MYLK: variants seen among roughly 807,000 people sequenced by gnomAD.
The protein encoded by MYLK is myosin light chain kinase, smooth muscle.
In MYLK, 106 loss-of-function variants were observed where a neutral mutation model predicts 203.4. The observed-to-expected ratio is 0.52, with a 90% CI of 0.45 to 0.61. The LOEUF is 0.61. MYLK is among the 20% of genes least tolerant of loss of function. MYLK has a pLI of 0.00. For synonymous variants in MYLK, 867 were observed against 959.5 expected (o/e 0.90, Z 1.78); for missense variants, 2,072 against 2,442.3 (o/e 0.85, Z 3.20).
intron 19 of MYLK, among the ~76,000 whole-genome samples, chr3:123,688,639 G>C (rs1398026503): frequency 6.6e-6 from 1 of 152,046 alleles, no homozygotes; most frequent in Non-Finnish European, 1.5e-5. Flanking sequence ...GCCTGGATCT[G>C]GTCCACGGTC....
intron 4 of MYLK, among the ~76,000 whole-genome samples, chr3:123,770,312 A>G (rs1299431829): frequency 2.0e-5 from 3 of 152,242 alleles, no homozygotes; most frequent in Admixed American, 6.5e-5. Flanking sequence ...CAATAAGAGC[A>G]AAATGCTTTC....
Position 123,701,430 on chromosome 3 carries a change from G to A in MYLK, c.2462+8C>T. ...TGGCCTGGAGGGGCAGCTCCTGGGGGCACTCACCGTGGAAGGGCTCTGGCA... is the reference window on the plus strand; with the variant it reads ...TGGCCTGGAGGGGCAGCTCCTGGGGACACTCACCGTGGAAGGGCTCTGGCA... On this transcript the variant is annotated splice_region_variant and intron_variant, in intron 17 of 33. Transcript: ENST00000360304. 2.5e-6 allele frequency: 4 copies of A among 1,613,942 alleles called. No homozygotes were observed. Among genetic ancestry groups the A allele is most frequent in the Non-Finnish European group, 3.4e-6 (4 of 1,179,924 alleles).
intron 3 of MYLK, among the ~76,000 whole-genome samples, chr3:123,804,817 A>T (rs956517389): frequency 6.6e-6 from 1 of 152,172 alleles, no homozygotes; most frequent in African/African-American, 2.4e-5. Flanking sequence ...CTGAGAAAAC[A>T]TTAGCTCTGT....
intron 24 of MYLK, among the ~76,000 whole-genome samples, chr3:123,651,575 A>C (rs751209432): frequency 6.6e-6 from 1 of 152,106 alleles, no homozygotes; most frequent in Admixed American, 6.5e-5. Context: ...CCGGCGTGGC[A>C]TGGAGACCAG....
In MYLK at chr3:123,670,898, A is replaced by G. The variant is rs564118261; in HGVS notation, c.3653-3711T>C. On this transcript the variant is annotated intron_variant, in intron 20 of 33. Transcript: ENST00000360304. ...GTTCTGTTAGACAGTGCTGGCCTCA[A>G]ATGCTAAGCTCACGAGCTAAGGCTT... Among the ~76,000 whole-genome samples, 4 of 152,356 alleles carry G rather than the reference A, an allele frequency of 2.6e-5. No individual in the cohort carries two copies. The South Asian group carries it at 8.3e-4, about 32-fold the overall frequency.
chr3:123,618,911 T>C, intron 32 of MYLK, 141 bp from the exon 33 acceptor site: 3 of 1,142,002 alleles, frequency 2.6e-6, no homozygotes, highest in Non-Finnish European at 3.8e-6. Context: ...TAAGCACGCC[T>C]TTCTCCTGGG....
chr3:123,636,924 A>ATG (rs1206320259), intron 29 of MYLK, among the ~76,000 whole-genome samples: 1 of 152,172 alleles, frequency 6.6e-6, no homozygotes, highest in Non-Finnish European at 1.5e-5. Flanking sequence ...GTTCCTGAGC[A>ATG]TGTGAAAAAG....
chr3:123,625,732 G>A (rs1320099366), intron 31 of MYLK, among the ~76,000 whole-genome samples: 2 of 151,068 alleles, frequency 1.3e-5, no homozygotes, highest in South Asian at 2.1e-4. Context: ...GGTGTGACCC[G>A]GGAGGTGGAG....
intron 20 of MYLK, among the ~76,000 whole-genome samples, chr3:123,678,224 A>T (rs964587424): frequency 6.6e-6 from 1 of 151,896 alleles, no homozygotes; most frequent in African/African-American, 2.4e-5. Context: ...AGGTGCCCTC[A>T]CAATCTTCAC....
intron 20 of MYLK, among the ~76,000 whole-genome samples, chr3:123,680,744 G>A (rs2060234249): frequency 6.6e-6 from 1 of 152,220 alleles, no homozygotes; most frequent in Non-Finnish European, 1.5e-5. Flanking sequence ...ACACTGCATT[G>A]TAATGGAAAA....
intron 2 of MYLK, among the ~76,000 whole-genome samples, chr3:123,853,319 G>A (rs1287958383): frequency 2.6e-5 from 4 of 152,120 alleles, no homozygotes; most frequent in African/African-American, 9.7e-5. Flanking sequence ...ACAGATGAGA[G>A]AGGGACTCAG....
intron 13 of MYLK, among the ~76,000 whole-genome samples, chr3:123,712,950 G>C (rs1299374295): frequency 6.6e-6 from 1 of 152,244 alleles, no homozygotes; most frequent in Non-Finnish European, 1.5e-5. Context: ...AACCAATGGA[G>C]TCTGGGCTTC....
At chr3:123,686,324 T>C (rs1261907419) in intron 19 of MYLK, among the ~76,000 whole-genome samples, 1 of 150,572 alleles carries the variant, frequency 6.6e-6, no homozygotes, top group Non-Finnish European at 1.5e-5. Context: ...AGACAATGCC[T>C]CACCCCTCCC....
At chr3:123,773,198 TA>T (rs1259071593) in intron 4 of MYLK, among the ~76,000 whole-genome samples, 1 of 152,126 alleles carries the variant, frequency 6.6e-6, no homozygotes, top group Non-Finnish European at 1.5e-5. Context: ...AAGCATTAAC[TA>T]AAAAGGCAGC....
In MYLK at chr3:123,707,737, T is replaced by C. The variant is rs2061516833; in HGVS notation, c.2390+17A>G. 6.2e-7 allele frequency: 1 copy of C among 1,614,098 alleles called. No homozygotes were observed. Among genetic ancestry groups the C allele is most frequent in the Non-Finnish European group, 8.5e-7 (1 of 1,180,052 alleles). ...GAGGGAAGGGTTAAGGGAGGCTGGC[T>C]GGACATGCAGACTCACTTGAGCAGG... On this transcript the variant is annotated intron_variant, in intron 16 of 33. Transcript: ENST00000360304.
chr3:123,649,814 T>C (rs942513214), intron 24 of MYLK, among the ~76,000 whole-genome samples: 1 of 152,228 alleles, frequency 6.6e-6, no homozygotes, highest in African/African-American at 2.4e-5. Context: ...TCAAAGTGAA[T>C]ACACAACAGA....
At chr3:123,739,207 T>G (rs2062780882) in intron 6 of MYLK, 145 bp from the exon 7 acceptor site, 12 of 945,568 alleles carry the variant, frequency 1.3e-5, no homozygotes, top group Non-Finnish European at 2.0e-5. Flanking sequence ...AACTTTCTCA[T>G]GCTCTCTCTA....
At chr3:123,722,324 A>C (rs774009851) in intron 12 of MYLK, 44 bp from the exon 13 acceptor site, 178 of 1,546,492 alleles carry the variant, frequency 1.2e-4, no homozygotes, top group Admixed American at 2.3e-4. Context: ...CAGCACTGGC[A>C]GTAGGGACGG....
intron 11 of MYLK, among the ~76,000 whole-genome samples, chr3:123,729,946 G>A (rs1003341240): frequency 2.6e-5 from 4 of 151,776 alleles, no homozygotes; most frequent in Admixed American, 2.0e-4. Flanking sequence ...TAGAAAACAG[G>A]CTGAGTGCAG....
Sources: gnomAD v4.1 joint callset for allele counts (sites outside exome capture counted in the v4.1 genomes callset) on GRCh38, gnomAD v4.1.1 for gene constraint, MANE v1.5 for transcripts, NCBI Gene and HGNC (gene_info 2026-07-23, HGNC 2026-07-21) for gene names.